Variants in COLEC12 observed in about 807,000 individuals in gnomAD.
The protein encoded by COLEC12 is collectin subfamily member 12.
A neutral mutation model predicts 71.1 loss-of-function variants in COLEC12; 33 were observed. The ratio of observed to expected loss-of-function variants is 0.46; its 90% CI spans 0.35 to 0.62. COLEC12 has a LOEUF of 0.62. COLEC12 is among the 20% of genes least tolerant of loss of function. The pLI is 0.00. For synonymous variants in COLEC12, 350 were observed against 353.0 expected, an observed-to-expected ratio of 0.99 and a Z score of 0.10; for missense variants, 765 against 916.1, an observed-to-expected ratio of 0.84 and a Z score of 2.13.
At chr18:388,649 A>C (rs1915397410) in intron 2 of COLEC12, among the ~76,000 whole-genome samples, 2 of 152,192 alleles carry the variant, frequency 1.3e-5, no homozygotes, top group Admixed American at 1.3e-4. Context: ...GCAGGAGTGC[A>C]TGGCACGAAC....
intron 1 of COLEC12, among the ~76,000 whole-genome samples, chr18:497,383 GGTGTGTGTGTGTGTGTGTGTGTGT>G (rs10689788): frequency 8.8e-5 from 13 of 147,052 alleles, no homozygotes; most frequent in African/African-American, 3.3e-4. Context: ...TAAAGAATGG[GGTGTGTGTGTGTGTGTGTGTGTGT>G]GTGTGTGTGT....
At chr18:490,326 T>C (rs1197846082) in intron 1 of COLEC12, among the ~76,000 whole-genome samples, 1 of 152,190 alleles carries the variant, frequency 6.6e-6, no homozygotes, top group African/African-American at 2.4e-5. Context: ...TGCAGAATTG[T>C]GAGCAAAAAA....
rs1276341713 is a variant in COLEC12, at chr18:319,743, T to C, written c.*302A>G. The C allele has an allele frequency of 1.0e-5, 4 of 397,462 alleles. No individual in the cohort carries two copies. Among genetic ancestry groups the C allele is most frequent in the African/African-American group, 2.2e-5 (1 of 45,930 alleles). 24.6% of individuals were successfully genotyped at this position (397,462 alleles called of 1,614,324 possible). ...CGACCAATGATAACCTTTTTCTGAT[T>C]GGAGTGTTCCATACTTTGGAAGACA... On this transcript the variant is annotated 3_prime_UTR_variant, in exon 10 of 10. Transcript: ENST00000400256.
chr18:449,907 T>C (rs1220133037), intron 2 of COLEC12, among the ~76,000 whole-genome samples: 1 of 152,250 alleles, frequency 6.6e-6, no homozygotes, highest in East Asian at 1.9e-4. Flanking sequence ...GTTGGACCTG[T>C]GTCATCATAA....
chr18:363,631 A>G (rs951967180), intron 2 of COLEC12, among the ~76,000 whole-genome samples: 4 of 152,222 alleles, frequency 2.6e-5, no homozygotes, highest in South Asian at 2.1e-4. Context: ...ATAAATTCCT[A>G]TAATTAAAAT....
At chr18:370,985 C>G (rs1914985862) in intron 2 of COLEC12, among the ~76,000 whole-genome samples, 1 of 152,174 alleles carries the variant, frequency 6.6e-6, no homozygotes, top group Non-Finnish European at 1.5e-5. Flanking sequence ...ATGTTCGTTC[C>G]TAAATGAAGA....
At chr18:329,151 T>C (rs529139735) in intron 8 of COLEC12, among the ~76,000 whole-genome samples, 5 of 152,236 alleles carry the variant, frequency 3.3e-5, no homozygotes, top group African/African-American at 1.2e-4. Flanking sequence ...GTGCGCTCCA[T>C]CCAGATCATG....
intron 2 of COLEC12, among the ~76,000 whole-genome samples, chr18:393,069 C>T (rs1915496416): frequency 6.6e-6 from 1 of 152,204 alleles, no homozygotes; most frequent in South Asian, 2.1e-4. Context: ...AAGTTGTATT[C>T]ACACATCAAG....
chr18:485,680 C>T, intron 1 of COLEC12, among the ~76,000 whole-genome samples: 1 of 152,340 alleles, frequency 6.6e-6, no homozygotes, highest in Non-Finnish European at 1.5e-5. Context: ...TTATTCTTTG[C>T]ACCTTGCTAT....
At chr18:442,910 G>A (rs558897901) in intron 2 of COLEC12, among the ~76,000 whole-genome samples, 13 of 152,274 alleles carry the variant, frequency 8.5e-5, no homozygotes, top group Admixed American at 6.5e-4. Flanking sequence ...GCAGTGAGCC[G>A]AGATCCCGCC....
chr18:326,554 G>A (rs1025282621), intron 8 of COLEC12, among the ~76,000 whole-genome samples: 9 of 152,154 alleles, frequency 5.9e-5, no homozygotes, highest in Non-Finnish European at 1.2e-4. Flanking sequence ...TCACCATGTC[G>A]GCCTGGATGG....
chr18:464,373 T>C (rs1917045685), intron 2 of COLEC12, among the ~76,000 whole-genome samples: 1 of 152,214 alleles, frequency 6.6e-6, no homozygotes, highest in Admixed American at 6.5e-5. Flanking sequence ...TTCCCTCCTT[T>C]GAATGGGCCG....
chr18:483,532 G>C (rs935073686), intron 1 of COLEC12, among the ~76,000 whole-genome samples: 2 of 152,126 alleles, frequency 1.3e-5, no homozygotes, highest in African/African-American at 4.8e-5. Context: ...TTGGAATCTA[G>C]AAGGCCAGGT....
At chr18:429,060 C>A (rs927322520) in intron 2 of COLEC12, among the ~76,000 whole-genome samples, 1 of 152,154 alleles carries the variant, frequency 6.6e-6, no homozygotes, top group Non-Finnish European at 1.5e-5. Context: ...ACTTTTAATT[C>A]TTTAAAAAGC....
rs765394463 is a variant in COLEC12 at position 346,619 on chromosome 18, G to T, written c.1003C>A (p.Arg335Ser). ...ATATCCGTCTCAAAGAGCTGGAAGC[G>T]TTCCTCCAGTTGGTTGAACTTGATG... is the stretch of plus-strand genomic sequence containing the variant. ...TAIKFNQLEE[R>S]FQLFETDIVN... The change falls in exon 5 of 10, where the codon CGC (arginine) becomes AGC (serine). Residue 335 changes from arginine (R) to serine (S), a missense_variant. Physicochemically the swap from Arg to Ser is moderately radical, Grantham distance 110 (BLOSUM62 -1). Coordinates refer to ENST00000400256, the MANE Select transcript of COLEC12 (RefSeq NM_130386.3). The surrounding 1 kb of genome is among the most constrained non-coding windows in gnomAD (Gnocchi z 4.0). 5 of 1,614,160 alleles carry T rather than the reference G, an allele frequency of 3.1e-6. No homozygotes were observed. The East Asian group carries it at 1.1e-4, about 36-fold the overall frequency.
intron 1 of COLEC12, among the ~76,000 whole-genome samples, chr18:482,793 A>T (rs1410071645): frequency 6.6e-6 from 1 of 151,554 alleles, no homozygotes; most frequent in Admixed American, 6.6e-5. Context: ...TTGTATTTTT[A>T]GTAGAGATGG....
intron 2 of COLEC12, among the ~76,000 whole-genome samples, chr18:377,196 C>A (rs1915132403): frequency 6.6e-6 from 1 of 152,196 alleles, no homozygotes; most frequent in Non-Finnish European, 1.5e-5. Flanking sequence ...CTCCTGGGAC[C>A]TGGGCTGCCC....
chr18:378,657 T>C (rs1466197097), intron 2 of COLEC12, among the ~76,000 whole-genome samples: 6 of 152,218 alleles, frequency 3.9e-5, no homozygotes, highest in Non-Finnish European at 8.8e-5. Context: ...TCCTTACCCA[T>C]AGCCTATTGT....
At chr18:430,500 C>T (rs1916283215) in intron 2 of COLEC12, among the ~76,000 whole-genome samples, 1 of 152,128 alleles carries the variant, frequency 6.6e-6, no homozygotes, top group South Asian at 2.1e-4. Context: ...CTTTCCCTTT[C>T]ACTTATACAG....
Sources: allele counts gnomAD v4.1 joint callset (sites outside exome capture counted in the v4.1 genomes callset), GRCh38; gene constraint gnomAD v4.1.1; non-coding constraint Gnocchi (gnomAD v3.1); transcripts MANE v1.5; gene names NCBI Gene and HGNC (gene_info 2026-07-23, HGNC 2026-07-21).